The following SPAG6 variants were observed in gnomAD, a reference collection of about 807,000 sequenced individuals.
SPAG6 encodes sperm associated antigen 6.
SPAG6 carries 49 observed loss-of-function variants against 58.5 expected under a neutral mutation model. The observed-to-expected ratio is 0.84, with a 90% confidence interval of 0.67 to 1.06. SPAG6 has a LOEUF of 1.06. Among genes scored for constraint, SPAG6 ranks in the 50% least tolerant of loss-of-function variants. The pLI is 0.00. For missense variants in SPAG6, 560 were observed against 611.3 expected (o/e 0.92, Z 0.89); for synonymous variants, 233 against 225.6 (o/e 1.03, Z -0.29).
At chr10:22,402,014 T>C in intron 9 of SPAG6, among the ~76,000 whole-genome samples, 1 of 152,200 alleles carries the variant, frequency 6.6e-6, no homozygotes. Flanking sequence ...AGCTCGGTTC[T>C]GAATTGGAGT....
chr10:22,358,401 T>C (rs1213699952), intron 2 of SPAG6, among the ~76,000 whole-genome samples: 1 of 152,020 alleles, frequency 6.6e-6, no homozygotes, highest in Non-Finnish European at 1.5e-5. Context: ...AAGTGTCTGT[T>C]CATATCCTTC....
Position 22,389,262 on chromosome 10 carries a change from T to C in SPAG6, c.955T>C (p.Tyr319His). 6.2e-7 allele frequency: 1 copy of C among 1,612,816 alleles called. No individual in the cohort carries two copies. Among genetic ancestry groups the C allele is most frequent in the Non-Finnish European group, 8.5e-7 (1 of 1,179,692 alleles). Reference protein sequence around the residue: ...TRLPGIMMLGYVAAHSENLAM... With the variant: ...TRLPGIMMLGHVAAHSENLAM... ...GCTGCCTGGCATCATGATGCTTGGT[T>C]ATGTAGCAGCTCATTCTGAGAACCT... The change falls in exon 7 of 11, where the codon TAT becomes CAT. Residue 319 changes from tyrosine (Y) to histidine (H), a missense_variant. Tyr to His is a moderately conservative substitution (Grantham distance 83). Coordinates refer to ENST00000376624, the MANE Select transcript of SPAG6 (RefSeq NM_012443.4).
intron 2 of SPAG6, among the ~76,000 whole-genome samples, chr10:22,363,207 A>C (rs1837091659): frequency 6.6e-6 from 1 of 152,232 alleles, no homozygotes; most frequent in Non-Finnish European, 1.5e-5. Flanking sequence ...AACAACAATG[A>C]ATCAACTAAT....
chr10:22,416,449 C>T (rs1271353065), intron 10 of SPAG6, among the ~76,000 whole-genome samples, 170 bp from the exon 11 acceptor site: 2 of 152,108 alleles, frequency 1.3e-5, no homozygotes, highest in Admixed American at 1.3e-4. Flanking sequence ...GTATTTTCCT[C>T]CTGGATAGCC....
chr10:22,411,402 T>C (rs1203863889), intron 10 of SPAG6: 1 of 410,618 alleles, frequency 2.4e-6, no homozygotes, highest in African/African-American at 2.0e-5. Flanking sequence ...GACATTTTTG[T>C]ACTAATTTAA....
chr10:22,369,091 G>T (rs775763547), intron 4 of SPAG6, among the ~76,000 whole-genome samples: 5 of 152,114 alleles, frequency 3.3e-5, no homozygotes, highest in African/African-American at 9.7e-5. Context: ...GGGTCATTTG[G>T]TCTTCCTGCC....
chr10:22,364,722 A>G (rs183304858), intron 2 of SPAG6, 131 bp from the exon 3 acceptor site: 28 of 605,702 alleles, frequency 4.6e-5, no homozygotes, highest in Non-Finnish European at 7.2e-5. Flanking sequence ...AATTTCCATT[A>G]GTTTATGGTG....
chr10:22,352,475 A>G (rs1471558401), intron 2 of SPAG6, among the ~76,000 whole-genome samples: 2 of 152,162 alleles, frequency 1.3e-5, no homozygotes, highest in African/African-American at 4.8e-5. Context: ...CTGTCTTGTT[A>G]AATTCTTAAT....
At chr10:22,394,692 AT>A (rs987922237) in intron 8 of SPAG6, among the ~76,000 whole-genome samples, 3 of 152,156 alleles carry the variant, frequency 2.0e-5, no homozygotes, top group African/African-American at 7.2e-5. Flanking sequence ...TGGACATTTC[AT>A]TTAAATGGAG....
intron 9 of SPAG6, among the ~76,000 whole-genome samples, chr10:22,409,369 T>A (rs372480023): frequency 2.6e-5 from 4 of 152,246 alleles, no homozygotes; most frequent in Admixed American, 6.5e-5. Flanking sequence ...AGCTGATTTA[T>A]ATTATTGCTC....
At chr10:22,405,025 A>G (rs868006615) in intron 9 of SPAG6, among the ~76,000 whole-genome samples, 3 of 152,154 alleles carry the variant, frequency 2.0e-5, no homozygotes, top group Admixed American at 6.5e-5. Context: ...ATCAGCTTAA[A>G]GAGATTTTGG....
At chr10:22,378,702 A>G (rs1411229692) in intron 4 of SPAG6, among the ~76,000 whole-genome samples, 5 of 152,126 alleles carry the variant, frequency 3.3e-5, no homozygotes, top group Non-Finnish European at 5.9e-5. Context: ...AAATGACTTC[A>G]AATTTCCTCA....
At chr10:22,383,021 G>A (rs1315330056) in intron 4 of SPAG6, among the ~76,000 whole-genome samples, 1 of 152,130 alleles carries the variant, frequency 6.6e-6, no homozygotes, top group African/African-American at 2.4e-5. Context: ...TAACAGTATA[G>A]GATATGTCAC....
At chr10:22,346,429 G>GCTTCTT (rs1836530803) in intron 2 of SPAG6, among the ~76,000 whole-genome samples, 5 of 86,972 alleles carry the variant, frequency 5.7e-5, no homozygotes, top group Admixed American at 3.3e-4. Context: ...AAGAGAAAAT[G>GCTTCTT]GTTCTTCTTC....
At chr10:22,363,740 C>G (rs1837110479) in intron 2 of SPAG6, among the ~76,000 whole-genome samples, 1 of 152,130 alleles carries the variant, frequency 6.6e-6, no homozygotes, top group Non-Finnish European at 1.5e-5. Context: ...TCTTTTTGCT[C>G]TATTTCAAAT....
At chr10:22,346,895 G>A (rs777118876) in intron 2 of SPAG6, among the ~76,000 whole-genome samples, 1 of 152,014 alleles carries the variant, frequency 6.6e-6, no homozygotes, top group African/African-American at 2.4e-5. Context: ...CAACTGTAAG[G>A]GATAATACAG....
At chr10:22,351,646 G>A (rs759505441) in intron 2 of SPAG6, among the ~76,000 whole-genome samples, 1 of 152,012 alleles carries the variant, frequency 6.6e-6, no homozygotes, top group Non-Finnish European at 1.5e-5. Flanking sequence ...TTTGTTCACG[G>A]GGGCAGAACT....
chr10:22,381,512 CT>C (rs763482152), intron 4 of SPAG6, among the ~76,000 whole-genome samples: 1,946 of 140,392 alleles, frequency 0.014, 21 homozygotes, highest in African/African-American at 0.034. Context: ...ACTCCCCGAC[CT>C]TTTTTTTTTT....
rs1202695444 is a variant in SPAG6 at position 22,417,522 on chromosome 10, C to A, written c.*834C>A. ...TTAAGGAATAGTTTGAAGCTAATAC[C>A]ATCAGGCTCAGAGTTTACATGCATT... On this transcript the variant is annotated 3_prime_UTR_variant, in exon 11 of 11. Transcript: ENST00000376624. 1 of 152,170 alleles carries A rather than the reference C, an allele frequency of 6.6e-6. No individual in the cohort carries two copies. The highest frequency in any genetic ancestry group is 2.4e-5 in the African/African-American group (1 of 41,438). 9.4% of individuals were successfully genotyped at this position (152,170 alleles called of 1,614,324 possible).
Sources: allele counts gnomAD v4.1 joint callset (sites outside exome capture counted in the v4.1 genomes callset), GRCh38; gene constraint gnomAD v4.1.1; transcripts MANE v1.5; gene names NCBI Gene and HGNC (gene_info 2026-07-23, HGNC 2026-07-21).